TNS1: variants seen among roughly 807,000 people sequenced by gnomAD.
TNS1 encodes the protein tensin-1.
A neutral mutation model predicts 168.6 loss-of-function variants in TNS1; 62 were observed. That is an observed-to-expected ratio of 0.37 (90% CI 0.30 to 0.45). TNS1 has a LOEUF of 0.45. Among genes scored for constraint, TNS1 ranks in the 20% least tolerant of loss-of-function variants. The pLI, the probability that TNS1 is intolerant of heterozygous loss-of-function variation, is 1.00. For missense variants in TNS1, 2,240 were observed against 2,339.4 expected (o/e 0.96, Z 0.88); for synonymous variants, 934 against 933.2 (o/e 1.00, Z -0.02).
intron 32 of TNS1, 53 bp downstream of exon 32, chr2:217,808,022 A>C (rs1244942483): frequency 6.2e-7 from 1 of 1,604,150 alleles, no homozygotes; most frequent in Admixed American, 1.7e-5. Flanking sequence ...TGCTTCCCTC[A>C]CTGTGAAGTA....
At position 217,848,241 on chromosome 2, in the gene TNS1, A is replaced by G; in HGVS notation, c.2276T>C (p.Val759Ala). Residue 759 changes from valine (V) to alanine (A), a missense_variant, in exon 19 of 33, where the codon GTC becomes GCC. Val to Ala is a moderately conservative substitution (Grantham distance 64). Coordinates refer to ENST00000682258, the MANE Select transcript of TNS1 (RefSeq NM_001387777.1). Reference protein sequence around the residue: ...EAEPQLPPAPVRGGSSREAVQ... With the variant: ...EAEPQLPPAPARGGSSREAVQ... ...AGCCTCCCGGCTGCTTCCCCCTCGGACCGGAGCTGGGGGCAGCTGGGGTTC... is the reference window on the plus strand; with the variant it reads ...AGCCTCCCGGCTGCTTCCCCCTCGGGCCGGAGCTGGGGGCAGCTGGGGTTC... 1 of 1,570,474 alleles carries G rather than the reference A, an allele frequency of 6.4e-7. No homozygotes were observed. The highest frequency in any genetic ancestry group is 8.6e-7 in the Non-Finnish European group (1 of 1,158,364).
upstream of TNS1, among the ~76,000 whole-genome samples, chr2:218,007,959 C>T (rs1364424191): frequency 2.0e-5 from 3 of 152,178 alleles, no homozygotes; most frequent in Admixed American, 6.5e-5. Context: ...GAGGCCCTGC[C>T]CTCAGCCTCC....
intron 18 of TNS1, chr2:217,850,597 A>G (rs1947335184): frequency 2.4e-6 from 2 of 837,774 alleles, no homozygotes; most frequent in African/African-American, 4.3e-5. Context: ...ACACACACAC[A>G]CACACACACA....
intron 3 of TNS1, among the ~76,000 whole-genome samples, chr2:217,967,142 AC>A (rs1364098907): frequency 6.6e-6 from 1 of 151,940 alleles, no homozygotes; most frequent in Non-Finnish European, 1.5e-5. Flanking sequence ...ACACGGTGAA[AC>A]CCCATCTCTA....
chr2:217,845,421 C>A (rs1048099000), intron 19 of TNS1, among the ~76,000 whole-genome samples: 4 of 152,218 alleles, frequency 2.6e-5, no homozygotes, highest in African/African-American at 9.6e-5. Flanking sequence ...ACAGGCACTG[C>A]AGATACCCTG....
chr2:217,922,347 C>T (rs1955767113), intron 3 of TNS1, among the ~76,000 whole-genome samples: 1 of 152,216 alleles, frequency 6.6e-6, no homozygotes, highest in Non-Finnish European at 1.5e-5. Flanking sequence ...TGCCTTCTCC[C>T]AACCCACTCT....
In TNS1 at chr2:217,942,041, C is replaced by T. The variant is rs369508838; in HGVS notation, c.187-21805G>A. Among the ~76,000 whole-genome samples the T allele has an allele frequency of 3.9e-5, 6 of 152,320 alleles. No homozygotes were observed. In the South Asian group the frequency reaches 6.2e-4, roughly 16 times the overall value. ...AGCATCCCAACCCAGCCCCGCTCCA[C>T]CTGGCCACCAGGTTCTCTGTGCTTA... On this transcript the variant is annotated intron_variant, in intron 3 of 32. Transcript: ENST00000682258.
At chr2:217,940,478 A>T (rs1271630653) in intron 3 of TNS1, among the ~76,000 whole-genome samples, 1 of 152,128 alleles carries the variant, frequency 6.6e-6, no homozygotes, top group Non-Finnish European at 1.5e-5. Context: ...GGCTCACGGC[A>T]CACTCAGGTC....
chr2:217,818,479 G>A lies in TNS1; in HGVS notation c.3853C>T (p.Arg1285Cys), dbSNP rs773542085. ...VHTVPGSPQA[R>C]HRTVGTNTPP... ...GTGTTGGTGCCCACTGTTCTGTGGC[G>A]CGCCTGAGGGCTCCCAGGCACCGTG... The change falls in exon 24 of 33, where the codon CGC becomes TGC. Residue 1285 changes from arginine to cysteine, a missense_variant. Transcript: ENST00000682258. 1.2e-5 allele frequency: 20 copies of A among 1,614,102 alleles called. No individual in the cohort carries two copies. The highest frequency in any genetic ancestry group is 8.9e-5 in the East Asian group (4 of 44,892).
chr2:217,817,230 G>C (rs1191545468), intron 24 of TNS1, among the ~76,000 whole-genome samples: 1 of 152,060 alleles, frequency 6.6e-6, no homozygotes, highest in Non-Finnish European at 1.5e-5. Context: ...TGGAAGCCTT[G>C]GCTCTGCCAT....
chr2:217,935,573 G>C (rs1179365618), intron 3 of TNS1, among the ~76,000 whole-genome samples: 1 of 152,158 alleles, frequency 6.6e-6, no homozygotes, highest in Non-Finnish European at 1.5e-5. Flanking sequence ...TGTGGTGGTG[G>C]AAGCAGTTCG....
chr2:217,955,421 C>T (rs931008949), intron 3 of TNS1, among the ~76,000 whole-genome samples: 5 of 152,152 alleles, frequency 3.3e-5, no homozygotes, highest in East Asian at 1.9e-4. Context: ...GGCCCAAACA[C>T]GAGCCTTCCT....
intron 3 of TNS1, among the ~76,000 whole-genome samples, chr2:217,929,035 G>A (rs1463024528): frequency 1.3e-5 from 2 of 152,222 alleles, no homozygotes; most frequent in Admixed American, 6.5e-5. Context: ...TCAGGAGCCT[G>A]CGGAATGTGG....
intron 6 of TNS1, 90 bp from the exon 7 acceptor site, chr2:217,900,602 T>C (rs1190536708): frequency 7.5e-7 from 1 of 1,329,016 alleles, no homozygotes; most frequent in South Asian, 1.3e-5. Flanking sequence ...GGGGCAAACA[T>C]GATCCTCTTC....
At chr2:217,846,598 C>T (rs1369801424) in intron 19 of TNS1, among the ~76,000 whole-genome samples, 2 of 152,216 alleles carry the variant, frequency 1.3e-5, no homozygotes, top group African/African-American at 4.8e-5. Flanking sequence ...CTGGGCTCCA[C>T]CTCCAGAATA....
chr2:217,838,101 C>T (rs1209738047), intron 19 of TNS1, among the ~76,000 whole-genome samples: 1 of 152,220 alleles, frequency 6.6e-6, no homozygotes, highest in Admixed American at 6.5e-5. Flanking sequence ...TCAGTTCAGC[C>T]CCAAGGTTAA....
At chr2:217,919,142 T>C (rs1326743245) in intron 4 of TNS1, among the ~76,000 whole-genome samples, 1 of 152,110 alleles carries the variant, frequency 6.6e-6, no homozygotes, top group African/African-American at 2.4e-5. Context: ...CCTTGGAGCA[T>C]CTCCACAGCA....
Position 217,989,782 on chromosome 2 carries a change from C to T in TNS1, c.148+1160G>A, listed in dbSNP as rs374206859. Among the ~76,000 whole-genome samples, 9 of 152,204 alleles carry T rather than the reference C, an allele frequency of 5.9e-5. No homozygotes were observed. In the East Asian group the frequency reaches 1.7e-3, roughly 29 times the overall value. ...TCTTTGCAGAACTCCCAGTGCCAAG[C>T]ACATGCCACCCACACGACTCCCACA... On this transcript the variant is annotated intron_variant, in intron 2 of 32. Coordinates refer to ENST00000682258, the MANE Select transcript of TNS1 (RefSeq NM_001387777.1).
chr2:217,920,165 C>T (rs1955571064), intron 4 of TNS1, 30 bp downstream of exon 4: 2 of 702,844 alleles, frequency 2.8e-6, no homozygotes, highest in South Asian at 1.5e-5. Flanking sequence ...GGAGGCAGGG[C>T]TTGCAGGGCA....
Sources: allele counts gnomAD v4.1 joint callset (sites outside exome capture counted in the v4.1 genomes callset), GRCh38; gene constraint gnomAD v4.1.1; transcripts MANE v1.5; gene names NCBI Gene and HGNC (gene_info 2026-07-23, HGNC 2026-07-21).